Variants in UBAP2L observed in about 807,000 individuals in gnomAD.
The protein encoded by UBAP2L is ubiquitin-associated protein 2-like.
In UBAP2L, 12 loss-of-function variants were observed where a neutral mutation model predicts 130.6. That is an observed-to-expected ratio of 0.09 (90% confidence interval 0.06 to 0.15). The LOEUF is 0.15. UBAP2L is among the 10% of genes least tolerant of loss of function. The probability of loss-of-function intolerance (pLI) is 1.00; values close to 1 mark genes in which losing one functional copy is unlikely to be tolerated. For missense variants in UBAP2L, 965 were observed against 1,332.5 expected (o/e 0.72, Z 4.29); for synonymous variants, 503 against 524.7 (o/e 0.96, Z 0.57).
chr1:154,220,172 G>T (rs781036756), upstream of UBAP2L: 959 of 858,856 alleles, frequency 1.1e-3, 4 homozygotes, highest in Non-Finnish European at 1.5e-3. Flanking sequence ...TAACGAGGGC[G>T]GGTCGGCCCG....
chr1:154,267,985 G>A (rs1270883495), intron 25 of UBAP2L, among the ~76,000 whole-genome samples: 2 of 144,844 alleles, frequency 1.4e-5, no homozygotes, highest in Non-Finnish European at 3.0e-5. Flanking sequence ...CGCCTCTCGG[G>A]TTCAAGCGAT....
rs932582592 is a variant in UBAP2L, at chr1:154,270,750, G to A, written c.*455G>A. ...ATGAACAGCATTGTCAGATGAATTA[G>A]TTGAAGTGGTTTTTTTTTTGTTTTT... On this transcript the variant is annotated 3_prime_UTR_variant, in exon 27 of 27. Transcript: ENST00000428931. 5.1e-6 allele frequency: 7 copies of A among 1,360,494 alleles called. 1 individual carries two copies. The highest frequency in any genetic ancestry group is 2.7e-5 in the East Asian group (1 of 36,812). 84.3% of individuals were successfully genotyped at this position (1,360,494 alleles called of 1,614,324 possible).
intron 25 of UBAP2L, among the ~76,000 whole-genome samples, chr1:154,267,352 C>T (rs1370916893): frequency 6.6e-6 from 1 of 151,858 alleles, no homozygotes; most frequent in Non-Finnish European, 1.5e-5. Context: ...GACGGGGTTT[C>T]ACCATCTTGG....
intron 1 of UBAP2L, among the ~76,000 whole-genome samples, chr1:154,224,614 AG>A (rs2148446822): frequency 6.6e-6 from 1 of 152,352 alleles, no homozygotes; most frequent in Admixed American, 6.5e-5. Flanking sequence ...TACATAAAAA[AG>A]GTTGTAAGGC....
chr1:154,251,678 C>T, intron 14 of UBAP2L, 25 bp downstream of exon 14: 1 of 1,611,972 alleles, frequency 6.2e-7, no homozygotes, highest in Non-Finnish European at 8.5e-7. Flanking sequence ...AACCATAAGA[C>T]CTCTCTTATT....
At chr1:154,257,293 A>G in intron 19 of UBAP2L, 35 bp downstream of exon 19, 4 of 1,614,082 alleles carry the variant, frequency 2.5e-6, no homozygotes, top group Non-Finnish European at 2.5e-6. Flanking sequence ...TTCCTCTGGG[A>G]TGGAGGAGGT....
chr1:154,270,642 A>G lies in UBAP2L; in HGVS notation c.*347A>G, dbSNP rs958093918. The G allele has an allele frequency of 3.5e-5, 50 of 1,409,616 alleles. No individual in the cohort carries two copies. In the African/African-American group the frequency reaches 3.8e-4, roughly 11 times the overall value. The allele number at this position is 1,409,616 out of a possible 1,614,324, so 87.3% of individuals were successfully genotyped here. A position where few individuals can be genotyped will look rare whatever the true frequency, so the allele number is the denominator to read the frequency against. ...GCGGGGAGGTGGGACCCCCAAACATATATCAGCCCAACAGCCCTAAGTCTC... is the reference window on the plus strand; with the variant it reads ...GCGGGGAGGTGGGACCCCCAAACATGTATCAGCCCAACAGCCCTAAGTCTC... On this transcript the variant is annotated 3_prime_UTR_variant, in exon 27 of 27. Coordinates refer to ENST00000428931, the MANE Select transcript of UBAP2L (RefSeq NM_014847.4).
At chr1:154,220,778 T>G, upstream of UBAP2L, 1 of 217,168 alleles carries the variant, frequency 4.6e-6, no homozygotes, top group Non-Finnish European at 9.2e-6. Context: ...AGGTGTCTCG[T>G]GGCGAGGCGG....
In UBAP2L at chr1:154,241,585, T is replaced by A. The variant is rs1177455678; in HGVS notation, c.756+20T>A. On this transcript the variant is annotated intron_variant, in intron 9 of 26. Coordinates refer to ENST00000428931, the MANE Select transcript of UBAP2L (RefSeq NM_014847.4). The stretch of plus-strand genomic sequence containing the variant: ...GAAGATGTAGGTATTCCCAGGTCAT[T>A]CCTCACTAATGCCTTCTATCCCTAA... The A allele has an allele frequency of 1.1e-5, 17 of 1,613,740 alleles. No individual in the cohort carries two copies. The highest frequency in any genetic ancestry group is 1.4e-5 in the Non-Finnish European group (17 of 1,179,690).
intron 21 of UBAP2L, 184 bp from the exon 22 acceptor site, chr1:154,259,764 C>T: frequency 1.3e-6 from 1 of 761,468 alleles, no homozygotes; most frequent in Non-Finnish European, 2.4e-6. Context: ...GTGCTCATGG[C>T]CAGGCAGGGG....
chr1:154,254,599 T>C, intron 15 of UBAP2L: 1 of 564,702 alleles, frequency 1.8e-6, no homozygotes, highest in Non-Finnish European at 3.1e-6. Flanking sequence ...TTTGTAGGGT[T>C]TCCTTCTTTT....
At chr1:154,265,469 A>T (rs1199696252) in intron 24 of UBAP2L, among the ~76,000 whole-genome samples, 1 of 152,176 alleles carries the variant, frequency 6.6e-6, no homozygotes, top group Non-Finnish European at 1.5e-5. Flanking sequence ...TATCTTTTTA[A>T]AATCATGCTT....
intron 14 of UBAP2L, 75 bp from the exon 15 acceptor site, chr1:154,253,825 T>A (rs1439557563): frequency 7.0e-6 from 10 of 1,429,404 alleles, no homozygotes; most frequent in Non-Finnish European, 9.6e-7. Flanking sequence ...CACTAGTAGA[T>A]CTCCACGATT....
Position 154,255,680 on chromosome 1 carries a change from C to T in UBAP2L, c.2085-3C>T, listed in dbSNP as rs1679391451. The T allele has an allele frequency of 6.2e-7, 1 of 1,614,048 alleles. No individual in the cohort carries two copies. The highest frequency in any genetic ancestry group is 1.1e-5 in the South Asian group (1 of 91,072). On this transcript the variant is annotated splice_region_variant and splice_polypyrimidine_tract_variant and intron_variant, in intron 17 of 26. Transcript: ENST00000428931. ...CTGATGGCAGCCTCTTTTTTTCTGA[C>T]AGCACGTTATCTACGCAGCAGAATA...
At chr1:154,248,674 G>A (rs1026507629) in intron 11 of UBAP2L, among the ~76,000 whole-genome samples, 8 of 152,010 alleles carry the variant, frequency 5.3e-5, no homozygotes, top group Non-Finnish European at 1.0e-4. Context: ...AAATTAGCCG[G>A]GTGTGGTGGC....
intron 24 of UBAP2L, among the ~76,000 whole-genome samples, chr1:154,263,657 G>A (rs919722218): frequency 6.6e-6 from 1 of 152,120 alleles, no homozygotes; most frequent in African/African-American, 2.4e-5. Context: ...GGTGGGGGGA[G>A]GGGAAACAGC....
chr1:154,269,923 G>A (rs1409199201), intron 26 of UBAP2L, among the ~76,000 whole-genome samples: 2 of 152,164 alleles, frequency 1.3e-5, no homozygotes, highest in African/African-American at 4.8e-5. Flanking sequence ...GGTAGTGTGA[G>A]AATGTAGAAT....
rs755862157 is a variant in UBAP2L, at chr1:154,261,032, A to G, written c.2719A>G (p.Ser907Gly). The G allele has an allele frequency of 6.2e-7, 1 of 1,614,170 alleles. No homozygotes were observed. Among genetic ancestry groups the G allele is most frequent in the Non-Finnish European group, 8.5e-7 (1 of 1,180,020 alleles). ...GAACCCGGCGCTGCCTCCTGGCTAC[A>G]GTTACACCAGCCTGCCATACTATAC... ...FLNPALPPGYSYTSLPYYTGV... is the reference protein window; with the variant it reads ...FLNPALPPGYGYTSLPYYTGV... Residue 907 changes from serine (S) to glycine (G), a missense_variant, in exon 23 of 27, where the codon AGT (serine) becomes GGT (glycine). Ser to Gly is a moderately conservative substitution (Grantham distance 56, BLOSUM62 0). Transcript: ENST00000428931.
chr1:154,255,201 C>T lies in UBAP2L; in HGVS notation c.1959C>T (p.Ile653=). ...VKSDSPSTSS[I]PPLNETVSAA... ...CTGATTCACCTTCCACTTCTAGCAT[C>T]CCCCCTCTCAATGAAACGGTATCTG... is the stretch of plus-strand genomic sequence containing the variant. Residue 653 remains isoleucine, a synonymous_variant, in exon 17 of 27, where the codon ATC becomes ATT. Transcript: ENST00000428931. 4 of 1,614,080 alleles carry T rather than the reference C, an allele frequency of 2.5e-6. No individual in the cohort carries two copies. The highest frequency in any genetic ancestry group is 3.4e-6 in the Non-Finnish European group (4 of 1,179,970).
Sources: gnomAD v4.1 joint callset for allele counts (sites outside exome capture counted in the v4.1 genomes callset) on GRCh38, gnomAD v4.1.1 for gene constraint, MANE v1.5 for transcripts, NCBI Gene and HGNC (gene_info 2026-07-23, HGNC 2026-07-21) for gene names.